The following TICAM1 variants were observed in gnomAD, a reference collection of about 807,000 sequenced individuals.
TICAM1 encodes TIR domain-containing adapter molecule 1.
For synonymous variants in TICAM1, 439 were observed against 415.4 expected (o/e 1.06, Z -0.69); for missense variants, 895 against 938.2 (o/e 0.95, Z 0.60).
intron 1 of TICAM1, among the ~76,000 whole-genome samples, chr19:4,824,507 G>A (rs2093602753): frequency 6.6e-6 from 1 of 151,266 alleles, no homozygotes; most frequent in Admixed American, 6.6e-5. Flanking sequence ...GCTAATTTTT[G>A]TATTTTTAGT....
chr19:4,822,230 G>A (rs932851517), intron 1 of TICAM1, among the ~76,000 whole-genome samples: 7 of 148,000 alleles, frequency 4.7e-5, no homozygotes, highest in African/African-American at 1.0e-4. Flanking sequence ...CCACTGTGCC[G>A]GCCAATTGTT....
intron 1 of TICAM1, among the ~76,000 whole-genome samples, chr19:4,826,075 C>T (rs963250439): frequency 1.3e-5 from 2 of 151,614 alleles, no homozygotes; most frequent in East Asian, 1.9e-4. Context: ...GTCAGAGGAT[C>T]GCCTGAGGCC....
chr19:4,816,698 C>T lies in TICAM1; in HGVS notation c.1680G>A (p.Arg560=). The change falls in exon 2 of 2, where the codon CGG becomes CGA. Residue 560 remains arginine (R), a synonymous_variant. Transcript: ENST00000248244. The surrounding 1 kb of genome is among the most constrained non-coding windows in gnomAD (Gnocchi z 4.3). The part of the protein sequence containing the change: ...REQSQHLDGE[R]MQAAALNAAY... ...CTGCGTTCAGTGCCGCCGCCTGCAT[C>T]CGCTCACCGTCCAGGTGTTGGCTCT... 2 of 1,614,134 alleles carry T rather than the reference C, an allele frequency of 1.2e-6. No homozygotes were observed. The highest frequency in any genetic ancestry group is 1.7e-6 in the Non-Finnish European group (2 of 1,180,042).
rs28576480 is a variant in TICAM1 at position 4,829,506 on chromosome 19, C to T, written c.-140+2108G>A. 8.4e-3 allele frequency among the ~76,000 whole-genome samples: 1,270 copies of T among 151,620 alleles called. 7 individuals are homozygous for T. Among genetic ancestry groups the T allele is most frequent in the South Asian group, 0.012 (58 of 4,816 alleles). On this transcript the variant is annotated intron_variant, in intron 1 of 1. Coordinates refer to ENST00000248244, the MANE Select transcript of TICAM1 (RefSeq NM_182919.4). ...TCCACTCCTCACTCTGAAGAGCAGGCGCCTGGCGGGACAAAAACACCCATG... is the reference window on the plus strand; with the variant it reads ...TCCACTCCTCACTCTGAAGAGCAGGTGCCTGGCGGGACAAAAACACCCATG...
Position 4,816,910 on chromosome 19 carries a change from G to A in TICAM1, c.1468C>T (p.Leu490=), listed in dbSNP as rs1457618271. 3.7e-6 allele frequency: 6 copies of A among 1,613,612 alleles called. No individual in the cohort carries two copies. The highest frequency in any genetic ancestry group is 5.1e-6 in the Non-Finnish European group (6 of 1,180,030). Residue 490 remains leucine, a synonymous_variant, in exon 2 of 2, where the codon CTG becomes TTG. Coordinates refer to ENST00000248244, the MANE Select transcript of TICAM1 (RefSeq NM_182919.4). The surrounding 1 kb of genome is among the most constrained non-coding windows in gnomAD (Gnocchi z 4.3). ...TGGGCCGGGGAGCTCTCCAGGGGCA[G>A]GAAGGGGATGACACAGTCTGGCGAC... ...QGSPDCVIPF[L]PLESSPAQLS...
In TICAM1 at chr19:4,816,503, C is replaced by T. The variant is rs775069081; in HGVS notation, c.1875G>A (p.Pro625=). The part of the protein sequence containing the change: ...LGAPPPFPTW[P]GCPQPPPLHA... ...GCAGGGGTGGCGGCTGCGGGCACCCCGGCCAAGTGGGAAAGGGTGGCGGGG... is the reference window on the plus strand; with the variant it reads ...GCAGGGGTGGCGGCTGCGGGCACCCTGGCCAAGTGGGAAAGGGTGGCGGGG... Residue 625 remains proline, a synonymous_variant, in exon 2 of 2, where the codon CCG becomes CCA. Coordinates refer to ENST00000248244, the MANE Select transcript of TICAM1 (RefSeq NM_182919.4). The surrounding 1 kb of genome is among the most constrained non-coding windows in gnomAD (Gnocchi z 4.3). 31 of 1,579,854 alleles carry T rather than the reference C, an allele frequency of 2.0e-5. No individual in the cohort carries two copies. The highest frequency in any genetic ancestry group is 9.0e-5 in the East Asian group (4 of 44,646).
At position 4,818,364 on chromosome 19, in the gene TICAM1, C is replaced by T. The variant is rs1164350572; in HGVS notation, c.14G>A (p.Gly5Asp). Residue 5 changes from glycine (G) to aspartate (D), a missense_variant, in exon 2 of 2, where the codon GGC becomes GAC. Coordinates refer to ENST00000248244, the MANE Select transcript of TICAM1 (RefSeq NM_182919.4). This position sits in a 1 kb window ranked among gnomAD's most constrained non-coding sequence, Gnocchi z 4.0. ...GTCGAAGGCGCTAGGAAGTGATGGG[C>T]CTGTGCAGGCCATGGGCACAGGTGG... MACT[G>D]PSLPSAFDIL... 1 of 1,599,140 alleles carries T rather than the reference C, an allele frequency of 6.3e-7. No individual in the cohort carries two copies. The highest frequency in any genetic ancestry group is 8.5e-7 in the Non-Finnish European group (1 of 1,172,896).
At chr19:4,831,113 G>C (rs2093613055) in intron 1 of TICAM1, among the ~76,000 whole-genome samples, 1 of 151,904 alleles carries the variant, frequency 6.6e-6, no homozygotes, top group Non-Finnish European at 1.5e-5. Flanking sequence ...TGGGTGTTGG[G>C]GAAGAATCCA....
chr19:4,824,329 A>ATTT (rs1213088504), intron 1 of TICAM1, among the ~76,000 whole-genome samples: 117 of 107,370 alleles, frequency 1.1e-3, no homozygotes, highest in African/African-American at 3.6e-3. Flanking sequence ...CTTTTATCCA[A>ATTT]TTTTTTTTTT....
intron 1 of TICAM1, among the ~76,000 whole-genome samples, chr19:4,821,891 G>A (rs920862676): frequency 1.3e-5 from 2 of 150,614 alleles, no homozygotes; most frequent in Non-Finnish European, 2.9e-5. Flanking sequence ...TGATCTGCCT[G>A]TCTCGGCCTC....
intron 1 of TICAM1, among the ~76,000 whole-genome samples, chr19:4,826,815 A>G (rs1250265859): frequency 1.3e-5 from 2 of 152,246 alleles, no homozygotes; most frequent in East Asian, 1.9e-4. Context: ...TCTAGAATCC[A>G]CTGAGCTTTT....
chr19:4,820,418 T>TA (rs754775495), intron 1 of TICAM1, among the ~76,000 whole-genome samples: 1,335 of 108,744 alleles, frequency 0.012, 9 homozygotes, highest in Non-Finnish European at 0.019. Flanking sequence ...AGACTCCATC[T>TA]AAAAAAAAAA....
At chr19:4,820,399 G>C (rs570586309) in intron 1 of TICAM1, among the ~76,000 whole-genome samples, 1 of 146,130 alleles carries the variant, frequency 6.8e-6, no homozygotes, top group African/African-American at 2.5e-5. Context: ...CAGCCTGGGC[G>C]ACAGAGTGAG....
At chr19:4,819,258 A>AGC (rs1408626480) in intron 1 of TICAM1, among the ~76,000 whole-genome samples, 2 of 133,918 alleles carry the variant, frequency 1.5e-5, no homozygotes, top group East Asian at 4.4e-4. Context: ...TGGGCAACAG[A>AGC]GTGAGACCCA....
At position 4,816,306 on chromosome 19, in the gene TICAM1, A is replaced by G; in HGVS notation, c.2072T>C (p.Leu691Pro). 4 of 1,527,796 alleles carry G rather than the reference A, an allele frequency of 2.6e-6. No homozygotes were observed. The highest frequency in any genetic ancestry group is 3.5e-6 in the Non-Finnish European group (4 of 1,138,626). 94.6% of individuals were successfully genotyped at this position (1,527,796 alleles called of 1,614,324 possible). A position where few individuals can be genotyped will look rare whatever the true frequency, so the allele number is the denominator to read the frequency against. Residue 691 changes from leucine (L) to proline (P), a missense_variant, in exon 2 of 2, where the codon CTG becomes CCG. By Grantham distance (98) the Leu-to-Pro change is moderately conservative (BLOSUM62 -3). Coordinates refer to ENST00000248244, the MANE Select transcript of TICAM1 (RefSeq NM_182919.4). The surrounding 1 kb of genome is among the most constrained non-coding windows in gnomAD (Gnocchi z 4.3). ...IHHAQMVQLG[L>P]NNHMWNQRGS... The stretch of plus-strand genomic sequence containing the variant: ...TCTCTGGTTCCACATGTGGTTGTTC[A>G]GCCCCAGCTGTACCATCTGTGCGTG...
rs766695629 is a variant in TICAM1 at position 4,816,728 on chromosome 19, C to T, written c.1650G>A (p.Arg550=). ...CACCGTCCAGGTGTTGGCTCTGTTC[C>T]CGCAGGGCTCGGGTGTCCTGTTCCT... ...WRKEQDTRAL[R]EQSQHLDGER... Residue 550 remains arginine, a synonymous_variant, in exon 2 of 2, where the codon CGG becomes CGA. Transcript: ENST00000248244. This position sits in a 1 kb window ranked among gnomAD's most constrained non-coding sequence, Gnocchi z 4.3. 10 of 1,613,998 alleles carry T rather than the reference C, an allele frequency of 6.2e-6. No individual in the cohort carries two copies. The African/African-American group carries it at 1.1e-4, about 17-fold the overall frequency.
chr19:4,824,184 T>C (rs1404514823), intron 1 of TICAM1, among the ~76,000 whole-genome samples: 1 of 151,862 alleles, frequency 6.6e-6, no homozygotes, highest in Non-Finnish European at 1.5e-5. Context: ...AATTTTTGTA[T>C]TTTTAGTAGA....
chr19:4,821,666 C>CA (rs1391739167), intron 1 of TICAM1, among the ~76,000 whole-genome samples: 1 of 140,324 alleles, frequency 7.1e-6, no homozygotes, highest in Non-Finnish European at 1.5e-5. Context: ...TTTTTTGAGA[C>CA]AGAGTCTCAC....
rs1266532777 is a variant in TICAM1 at position 4,818,276 on chromosome 19, G to A, written c.102C>T (p.Arg34=). ...GGAGGTCCTGCCCCTGGCAGCCTGG[G>A]CGTGGGGTCTTCAGTTTGTGCTTCA... ...LYLKHKLKTP[R]PGCQGQDLLH... Residue 34 remains arginine (R), a synonymous_variant, in exon 2 of 2, where the codon CGC becomes CGT. Coordinates refer to ENST00000248244, the MANE Select transcript of TICAM1 (RefSeq NM_182919.4). The surrounding 1 kb of genome is among the most constrained non-coding windows in gnomAD (Gnocchi z 4.0). 1.2e-6 allele frequency: 2 copies of A among 1,613,018 alleles called. No homozygotes were observed. Among genetic ancestry groups the A allele is most frequent in the Non-Finnish European group, 1.7e-6 (2 of 1,180,012 alleles).
Sources: allele counts gnomAD v4.1 joint callset (sites outside exome capture counted in the v4.1 genomes callset), GRCh38; gene constraint gnomAD v4.1.1; non-coding constraint Gnocchi (gnomAD v3.1); transcripts MANE v1.5; gene names NCBI Gene and HGNC (gene_info 2026-07-23, HGNC 2026-07-21).